Variants in ZNF185 observed in about 807,000 individuals in gnomAD.
ZNF185 encodes the protein zinc finger protein 185 with LIM domain, also known as zinc finger protein 185.
Under a neutral mutation model 58.6 loss-of-function variants are expected in ZNF185, and 56 were observed. The ratio of observed to expected loss-of-function variants is 0.95; its 90% CI spans 0.77 to 1.19. The LOEUF is 1.19. ZNF185 is among the 50% of genes most tolerant of loss of function. ZNF185 has a pLI of 0.00. For missense variants in ZNF185, 627 were observed against 573.5 expected (o/e 1.09, Z -0.95); for synonymous variants, 230 against 215.9 (o/e 1.07, Z -0.57).
chrX:152,965,099 T>C (rs1315614644), intron 18 of ZNF185, among the ~76,000 whole-genome samples: 2 of 111,626 alleles, frequency 1.8e-5, no homozygotes, highest in Non-Finnish European at 3.8e-5. Flanking sequence ...GACGCAGCCC[T>C]AAAGTAGGGG....
chrX:152,937,405 C>G (rs781982879), intron 14 of ZNF185, among the ~76,000 whole-genome samples: 8 of 111,896 alleles, frequency 7.1e-5, no homozygotes, highest in Admixed American at 9.4e-5. Flanking sequence ...TCTCCCTTGC[C>G]TTCAGGGTCA....
At chrX:152,922,850 A>C (rs377591616) in intron 11 of ZNF185, 41 bp downstream of exon 12, 2 of 1,129,987 alleles carry the variant, frequency 1.8e-6, no homozygotes, top group Non-Finnish European at 2.4e-6. Flanking sequence ...AGTGGGTGTG[A>C]TGGCTTCCCG....
chrX:152,921,978 G>C (rs1232684569), intron 9 of ZNF185, among the ~76,000 whole-genome samples, 195 bp from the exon 11 acceptor site: 1 of 111,330 alleles, frequency 9.0e-6, no homozygotes, highest in Non-Finnish European at 1.9e-5. Context: ...CATGAATTTT[G>C]GGGGGACACT....
chrX:152,941,607 G>A (rs2047193281), intron 15 of ZNF185: 1 of 1,103,584 alleles, frequency 9.1e-7, no homozygotes, highest in South Asian at 2.2e-5. Context: ...ACCTCGGCGA[G>A]CACGCGCCCG....
chrX:152,962,169 A>T (rs1281096222), intron 17 of ZNF185, among the ~76,000 whole-genome samples: 1 of 111,158 alleles, frequency 9.0e-6, no homozygotes, highest in Non-Finnish European at 1.9e-5. Flanking sequence ...CTTGGAGGGT[A>T]CGGGGTGAGG....
intron 3 of ZNF185, 78 bp from the exon 5 acceptor site, chrX:152,917,053 T>C: frequency 5.1e-6 from 6 of 1,180,509 alleles, no homozygotes; most frequent in Non-Finnish European, 6.9e-6. Flanking sequence ...TTTGCTATCG[T>C]TAAGGGCAGG....
intron 7 of ZNF185, 46 bp downstream of exon 8, chrX:152,919,127 G>A (rs1939163286): frequency 1.9e-6 from 2 of 1,038,134 alleles, no homozygotes; most frequent in Non-Finnish European, 2.7e-6. Context: ...CAGGGCAGGA[G>A]CCTGAGTCTT....
At chrX:152,970,670 G>T in intron 22 of ZNF185, 129 bp downstream of exon 24, 1 of 532,541 alleles carries the variant, frequency 1.9e-6, no homozygotes. Context: ...ATGTTCAGGG[G>T]GCCTTGTGTC....
intron 11 of ZNF185, among the ~76,000 whole-genome samples, chrX:152,923,492 A>G (rs1449909272): frequency 8.9e-6 from 1 of 112,100 alleles, no homozygotes; most frequent in Admixed American, 9.4e-5. Context: ...CCCCATAAGA[A>G]CTTTGGTCCA....
At chrX:152,949,883 C>T (rs182588450) in intron 16 of ZNF185, among the ~76,000 whole-genome samples, 2 of 111,890 alleles carry the variant, frequency 1.8e-5, no homozygotes, top group East Asian at 2.8e-4. Context: ...GTTATTATAT[C>T]ATATGGAGGG....
chrX:152,950,788 G>A (rs1266584664), intron 16 of ZNF185, among the ~76,000 whole-genome samples: 4 of 111,816 alleles, frequency 3.6e-5, no homozygotes, highest in Non-Finnish European at 5.6e-5. Context: ...AGGAGTTCTC[G>A]AACATTTGAT....
chrX:152,926,424 A>G (rs1303369067), intron 11 of ZNF185, among the ~76,000 whole-genome samples: 1 of 112,411 alleles, frequency 8.9e-6, no homozygotes, highest in Non-Finnish European at 1.9e-5. Context: ...CAATATCTCC[A>G]CCTGCTGGCA....
At chrX:152,901,911 G>A in the ZNF185 span, among the ~76,000 whole-genome samples, 1 of 111,742 alleles carries the variant, frequency 8.9e-6, no homozygotes, top group African/African-American at 3.3e-5. Flanking sequence ...CAGCTTAAGC[G>A]TGTCTCCCAG....
chrX:152,935,858 G>A (rs1308686385), intron 14 of ZNF185, among the ~76,000 whole-genome samples: 2 of 112,061 alleles, frequency 1.8e-5, no homozygotes, highest in East Asian at 5.6e-4. Flanking sequence ...CATGCCGTGA[G>A]CATCAGTCTG....
Position 152,967,091 on chromosome X carries a change from G to T in ZNF185, c.1800-76G>T, listed in dbSNP as rs1456695768. The T allele has an allele frequency of 2.2e-5, 22 of 1,021,970 alleles. No homozygotes were observed. In the Admixed American group the frequency reaches 4.9e-4, roughly 23 times the overall value. 84.2% of individuals were successfully genotyped at this position (1,021,970 alleles called of 1,213,427 possible). On this transcript the variant is annotated intron_variant, in intron 19 of 22. Transcript: ENST00000449285. ...GTTATGTCTCAGCTTGTGGCCAAAGGTTAATTAGAAAATTAACTATGATAG... is the reference window on the plus strand; with the variant it reads ...GTTATGTCTCAGCTTGTGGCCAAAGTTTAATTAGAAAATTAACTATGATAG...
chrX:152,914,785 G>C, exon 2 of ZNF185: 1 of 1,189,543 alleles, frequency 8.4e-7, no homozygotes, highest in Non-Finnish European at 1.1e-6. Flanking sequence ...ACGCTGAAGG[G>C]GGACAAGAGC....
rs782442397 is a variant in ZNF185 at position 152,957,776 on chromosome X, T to C, written c.1410-1923T>C. Among the ~76,000 whole-genome samples, 5 of 112,860 alleles carry C rather than the reference T, an allele frequency of 4.4e-5. No homozygotes were observed. The Admixed American group carries it at 4.6e-4, about 10-fold the overall frequency. On this transcript the variant is annotated intron_variant, in intron 16 of 22. Transcript: ENST00000449285. ...GTACCCCTCGACACAGAAAAACGAC[T>C]TTATAGCACAAAATATACCAGATTG...
intron 15 of ZNF185, chrX:152,941,534 G>A (rs1448139806): frequency 1.0e-4 from 48 of 468,183 alleles, no homozygotes; most frequent in Non-Finnish European, 1.2e-4. Flanking sequence ...GCGGGCACAG[G>A]ACGTGTGCGC....
In ZNF185 at chrX:152,959,818, C is replaced by A. The variant is rs1569515329; in HGVS notation, c.1529C>A (p.Ala510Glu). The change falls in exon 17 of 23, where the codon GCA (alanine) becomes GAA (glutamate). Residue 510 changes from alanine (A) to glutamate (E), a missense_variant. Ala to Glu is a moderately radical substitution (Grantham distance 107). Transcript: ENST00000449285. ...CCAGCTGTACCCACTCAGCAACCTG[C>A]AGATCCCAGTACCCCAGAACAGCAG... 3 of 1,211,979 alleles carry A rather than the reference C, an allele frequency of 2.5e-6. No homozygotes were observed. Among genetic ancestry groups the A allele is most frequent in the Non-Finnish European group, 2.2e-6 (2 of 895,466 alleles).
Sources: gnomAD v4.1 joint callset for allele counts (sites outside exome capture counted in the v4.1 genomes callset) on GRCh38, gnomAD v4.1.1 for gene constraint, MANE v1.5 for transcripts, NCBI Gene and HGNC (gene_info 2026-07-23, HGNC 2026-07-21) for gene names.